CRTAC1: variants seen among roughly 807,000 people sequenced by gnomAD.
The protein encoded by CRTAC1 is cartilage acidic protein 1, also known as acidic secreted protein in cartilage.
In CRTAC1, 37 loss-of-function variants were observed where a neutral mutation model predicts 67.8. The ratio of observed to expected loss-of-function variants is 0.55; its 90% CI spans 0.42 to 0.72. CRTAC1 has a LOEUF of 0.72. CRTAC1 is among the 30% of genes least tolerant of loss of function. CRTAC1 has a pLI of 0.00. For missense variants in CRTAC1, 780 were observed against 931.6 expected, an observed-to-expected ratio of 0.84 and a Z score of 2.12; for synonymous variants, 348 against 371.0, an observed-to-expected ratio of 0.94 and a Z score of 0.71.
intron 2 of CRTAC1, among the ~76,000 whole-genome samples, chr10:97,942,648 G>T (rs926916052): frequency 6.6e-6 from 1 of 151,858 alleles, no homozygotes; most frequent in Non-Finnish European, 1.5e-5. Context: ...ATTTACATAT[G>T]ACATTTCATT....
intron 2 of CRTAC1, among the ~76,000 whole-genome samples, chr10:97,963,527 C>T (rs566664465): frequency 6.6e-6 from 1 of 152,300 alleles, no homozygotes; most frequent in African/African-American, 2.4e-5. Context: ...GGAAACCTCA[C>T]CAGCTTCAGG....
intron 2 of CRTAC1, among the ~76,000 whole-genome samples, chr10:97,966,993 AC>A (rs55769291): frequency 0.41 from 51,613 of 124,630 alleles, 10,586 homozygotes; most frequent in East Asian, 0.56. Flanking sequence ...TTGTAAAGTC[AC>A]CCCCCCCCCC....
At chr10:98,006,622 A>G (rs1350686437) in intron 2 of CRTAC1, among the ~76,000 whole-genome samples, 2 of 152,238 alleles carry the variant, frequency 1.3e-5, no homozygotes, top group South Asian at 2.1e-4. Flanking sequence ...ACACCGAAAA[A>G]GCAACACAAA....
intron 11 of CRTAC1, among the ~76,000 whole-genome samples, chr10:97,891,716 T>C (rs2050377457): frequency 6.6e-6 from 1 of 152,208 alleles, no homozygotes; most frequent in Admixed American, 6.5e-5. Flanking sequence ...CTTCCCTCCA[T>C]CTGGCCTTCT....
intron 1 of CRTAC1, among the ~76,000 whole-genome samples, chr10:98,027,407 T>C (rs1386988095): frequency 1.3e-5 from 2 of 152,178 alleles, no homozygotes; most frequent in Admixed American, 1.3e-4. Flanking sequence ...GCAAATACTC[T>C]TTGGAAACTC....
In CRTAC1 at chr10:97,880,288, G is replaced by A. The variant is rs757570658; in HGVS notation, c.1780C>T (p.Arg594Trp). The change falls in exon 14 of 15, where the codon CGG (arginine) becomes TGG (tryptophan). Residue 594 changes from arginine to tryptophan, a missense_variant. Arg to Trp is a moderately radical substitution (Grantham distance 101). Transcript: ENST00000370597. ...YRCRTNKKCS[R>W]GYEPNEDGTA... is the part of the protein sequence containing the mutation. Reference sequence around the variant, plus strand: ...CCATCCTCGTTGGGCTCGTAGCCCCGACTGCACTTCTTGTTGGTCCGGCAC... The same window carrying A: ...CCATCCTCGTTGGGCTCGTAGCCCCAACTGCACTTCTTGTTGGTCCGGCAC... 7 of 1,614,182 alleles carry A rather than the reference G, an allele frequency of 4.3e-6. No individual in the cohort carries two copies. Among genetic ancestry groups the A allele is most frequent in the Non-Finnish European group, 5.9e-6 (7 of 1,180,024 alleles).
chr10:97,937,772 C>T (rs956947854), intron 2 of CRTAC1, among the ~76,000 whole-genome samples: 2 of 152,142 alleles, frequency 1.3e-5, no homozygotes, highest in Non-Finnish European at 2.9e-5. Flanking sequence ...CCTCTTCCTG[C>T]CCACTGGGAG....
chr10:97,882,796 G>A lies in CRTAC1; in HGVS notation c.1665C>T (p.Gly555=), dbSNP rs745547934. ...CTGAAGGCAACTCACCCATGCAATG[G>A]CCATTTTCCTGCTGGGAGAATCCTT... ...CGQGFSQQEN[G]HCMDTNECIQ... is the part of the protein sequence containing the mutation. Residue 555 remains glycine (G), a synonymous_variant, in exon 13 of 15, where the codon GGC becomes GGT. Transcript: ENST00000370597. 1.2e-6 allele frequency: 2 copies of A among 1,614,182 alleles called. No homozygotes were observed. Among genetic ancestry groups the A allele is most frequent in the South Asian group, 1.1e-5 (1 of 91,078 alleles).
chr10:97,915,976 G>T (rs950057706), intron 5 of CRTAC1, among the ~76,000 whole-genome samples: 1 of 151,922 alleles, frequency 6.6e-6, no homozygotes, highest in Non-Finnish European at 1.5e-5. Context: ...CTCCTCATCT[G>T]CCTCCTCTGG....
intron 3 of CRTAC1, among the ~76,000 whole-genome samples, chr10:97,932,111 C>A (rs1200038275): frequency 6.6e-6 from 1 of 152,174 alleles, no homozygotes; most frequent in African/African-American, 2.4e-5. Flanking sequence ...GCCCTTGACC[C>A]AGACTCACTG....
intron 9 of CRTAC1, 121 bp from the exon 10 acceptor site, chr10:97,896,106 G>C (rs779600635): frequency 3.8e-6 from 3 of 795,388 alleles, no homozygotes; most frequent in Middle Eastern, 2.3e-4. Flanking sequence ...GCACAGCACC[G>C]GGGCAGGAAG....
chr10:97,904,344 A>G (rs912796504), intron 7 of CRTAC1, among the ~76,000 whole-genome samples: 6 of 152,248 alleles, frequency 3.9e-5, no homozygotes, highest in Middle Eastern at 3.4e-3. Flanking sequence ...AGGCAGCTCC[A>G]TGGCATGCCG....
At chr10:97,993,020 A>T in intron 2 of CRTAC1, among the ~76,000 whole-genome samples, 1 of 152,262 alleles carries the variant, frequency 6.6e-6, no homozygotes, top group South Asian at 2.1e-4. Flanking sequence ...ATTTTATAAC[A>T]TGATTTGTAC....
At chr10:97,986,042 T>C (rs1014447305) in intron 2 of CRTAC1, among the ~76,000 whole-genome samples, 6 of 152,168 alleles carry the variant, frequency 3.9e-5, no homozygotes, top group Non-Finnish European at 8.8e-5. Flanking sequence ...ATGTAGGTTC[T>C]GAGAGCGATC....
intron 2 of CRTAC1, among the ~76,000 whole-genome samples, chr10:97,968,434 T>C (rs1233265184): frequency 6.6e-6 from 1 of 152,108 alleles, no homozygotes. Flanking sequence ...TTAGTAGAGA[T>C]GGGGTTTCAC....
chr10:97,903,625 A>G (rs1388730343), intron 7 of CRTAC1, among the ~76,000 whole-genome samples: 1 of 152,096 alleles, frequency 6.6e-6, no homozygotes, highest in Non-Finnish European at 1.5e-5. Context: ...CTCAAGCCTC[A>G]GGAAAACCCT....
chr10:97,923,759 C>T (rs193172488), intron 3 of CRTAC1, among the ~76,000 whole-genome samples: 90 of 152,308 alleles, frequency 5.9e-4, no homozygotes, highest in African/African-American at 2.1e-3. Flanking sequence ...AATACGGCAA[C>T]ATCCAAACTC....
At chr10:97,993,847 T>A (rs1340949970) in intron 2 of CRTAC1, among the ~76,000 whole-genome samples, 1 of 152,148 alleles carries the variant, frequency 6.6e-6, no homozygotes, top group Admixed American at 6.5e-5. Context: ...TCAAAATGTG[T>A]ATGTAGAGTG....
chr10:97,866,043 C>G, intron 14 of CRTAC1: 1 of 303,804 alleles, frequency 3.3e-6, no homozygotes. Context: ...CCCAACCCTG[C>G]GAGGGGGGCC....
Sources: allele counts gnomAD v4.1 joint callset (sites outside exome capture counted in the v4.1 genomes callset), GRCh38; gene constraint gnomAD v4.1.1; transcripts MANE v1.5; gene names NCBI Gene and HGNC (gene_info 2026-07-23, HGNC 2026-07-21).